Variants in GTF2E2 observed in about 807,000 individuals in gnomAD.
GTF2E2 encodes general transcription factor IIE subunit 2, also known as transcription initiation factor IIE subunit beta.
Under a neutral mutation model 40.5 loss-of-function variants are expected in GTF2E2, and 21 were observed. The observed-to-expected ratio is 0.52, with a 90% CI of 0.37 to 0.75. The LOEUF (loss-of-function observed/expected upper bound fraction) is 0.75. Among genes scored for constraint, GTF2E2 ranks in the 30% least tolerant of loss-of-function variants. GTF2E2 has a pLI of 0.00. For synonymous variants in GTF2E2, 117 were observed against 121.6 expected (o/e 0.96, Z 0.25); for missense variants, 298 against 338.4 (o/e 0.88, Z 0.94).
At chr8:30,642,683 A>G (rs565442650) in intron 2 of GTF2E2, among the ~76,000 whole-genome samples, 15 of 152,320 alleles carry the variant, frequency 9.8e-5, no homozygotes, top group African/African-American at 3.1e-4. Context: ...CTCTTCCTAT[A>G]TACACTATCC....
At chr8:30,609,613 A>AT (rs1410623726) in intron 5 of GTF2E2, among the ~76,000 whole-genome samples, 1 of 152,182 alleles carries the variant, frequency 6.6e-6, no homozygotes, top group African/African-American at 2.4e-5. Flanking sequence ...TCCCAATGGC[A>AT]TTTTTTGCAG....
intron 6 of GTF2E2, among the ~76,000 whole-genome samples, chr8:30,606,556 A>T (rs962045383): frequency 6.6e-6 from 1 of 152,206 alleles, no homozygotes; most frequent in Non-Finnish European, 1.5e-5. Context: ...AAGTCCAAAC[A>T]TACGTATCAT....
intron 3 of GTF2E2, among the ~76,000 whole-genome samples, chr8:30,626,170 A>C (rs1801265779): frequency 6.6e-6 from 1 of 152,246 alleles, no homozygotes; most frequent in South Asian, 2.1e-4. Context: ...GAAATGTTGC[A>C]AAACATGGAT....
chr8:30,615,209 G>A (rs1289595204), intron 3 of GTF2E2, among the ~76,000 whole-genome samples: 2 of 152,114 alleles, frequency 1.3e-5, no homozygotes, highest in East Asian at 1.9e-4. Context: ...AACCTGGGAA[G>A]AGGAGGCTGC....
chr8:30,599,516 T>C (rs1829110804), intron 6 of GTF2E2, among the ~76,000 whole-genome samples: 1 of 151,300 alleles, frequency 6.6e-6, no homozygotes, highest in African/African-American at 2.4e-5. Context: ...GAGGCAGAGG[T>C]TGCAGTAAGC....
At chr8:30,632,255 C>T (rs753337022) in intron 3 of GTF2E2, among the ~76,000 whole-genome samples, 35 of 152,152 alleles carry the variant, frequency 2.3e-4, no homozygotes, top group Non-Finnish European at 5.0e-4. Flanking sequence ...TACTGTAATT[C>T]TTTTTCAGTC....
Position 30,601,937 on chromosome 8 carries a change from A to G in GTF2E2, c.643+5120T>C, listed in dbSNP as rs571189799. Among the ~76,000 whole-genome samples the G allele has an allele frequency of 2.6e-5, 4 of 152,280 alleles. No individual in the cohort carries two copies. In the East Asian group the frequency reaches 5.8e-4, roughly 22 times the overall value. On this transcript the variant is annotated intron_variant, in intron 6 of 7. Transcript: ENST00000355904. ...TGGCTATCATCTTCATGGTGACTCT[A>G]CAATAGAAAGATATACAACTGTTTC...
intron 5 of GTF2E2, 53 bp downstream of exon 5, chr8:30,612,246 A>T: frequency 9.0e-7 from 1 of 1,110,862 alleles, no homozygotes; most frequent in Admixed American, 2.0e-5. Context: ...TAAAACCAAG[A>T]AGTCATTATT....
intron 2 of GTF2E2, among the ~76,000 whole-genome samples, chr8:30,638,163 G>A (rs1169453006): frequency 6.6e-6 from 1 of 151,984 alleles, no homozygotes; most frequent in Non-Finnish European, 1.5e-5. Flanking sequence ...AATTATATAC[G>A]GAACAAGTAA....
chr8:30,610,990 GGAATATTA>G (rs1367729772), intron 5 of GTF2E2, among the ~76,000 whole-genome samples: 1 of 152,056 alleles, frequency 6.6e-6, no homozygotes, highest in East Asian at 1.9e-4. Context: ...AAAACACAAT[GGAATATTA>G]TTCAGCTTTA....
chr8:30,602,771 A>T (rs1405456753), intron 6 of GTF2E2, among the ~76,000 whole-genome samples: 3 of 150,224 alleles, frequency 2.0e-5, no homozygotes, highest in Non-Finnish European at 4.4e-5. Context: ...AAAAAAAAAA[A>T]GGTGTTCACT....
chr8:30,651,749 G>A (rs7827700), intron 2 of GTF2E2, among the ~76,000 whole-genome samples: 145,930 of 152,326 alleles, frequency 0.96, 69,971 homozygotes, highest in East Asian at 0.99. Flanking sequence ...TAAAATTTAT[G>A]CAGAAAAACT....
chr8:30,646,651 T>A (rs771162664), intron 2 of GTF2E2, among the ~76,000 whole-genome samples: 1 of 152,146 alleles, frequency 6.6e-6, no homozygotes, highest in Admixed American at 6.5e-5. Flanking sequence ...ACTAAGACTT[T>A]AACTAAATGT....
chr8:30,640,153 A>G (rs1801762499), intron 2 of GTF2E2, among the ~76,000 whole-genome samples: 1 of 152,188 alleles, frequency 6.6e-6, no homozygotes, highest in Non-Finnish European at 1.5e-5. Flanking sequence ...GACTGGAGAC[A>G]TGGCCTAAGT....
At chr8:30,594,509 T>C (rs1188071593) in intron 6 of GTF2E2, among the ~76,000 whole-genome samples, 1 of 150,464 alleles carries the variant, frequency 6.6e-6, no homozygotes, top group African/African-American at 2.4e-5. Context: ...CTACAGTGGG[T>C]TTCTTATAGA....
intron 4 of GTF2E2, among the ~76,000 whole-genome samples, chr8:30,614,128 TA>T (rs1368619830): frequency 6.6e-6 from 1 of 152,228 alleles, no homozygotes. Flanking sequence ...TCTTTACAAC[TA>T]TTACACAAAG....
chr8:30,606,900 A>G (rs926682410), intron 6 of GTF2E2, among the ~76,000 whole-genome samples, 157 bp downstream of exon 6: 1 of 152,158 alleles, frequency 6.6e-6, no homozygotes, highest in Admixed American at 6.5e-5. Flanking sequence ...CTAAGCAACA[A>G]TATGTTAGAC....
intron 3 of GTF2E2, among the ~76,000 whole-genome samples, chr8:30,615,984 T>A (rs1457281934): frequency 6.6e-6 from 1 of 152,130 alleles, no homozygotes; most frequent in Non-Finnish European, 1.5e-5. Flanking sequence ...TGGAATACTA[T>A]CCAGTGCTAA....
Position 30,658,191 on chromosome 8 carries a change from C to T in GTF2E2, c.-223G>A, listed in dbSNP as rs1802510482. 2.1e-5 allele frequency: 4 copies of T among 189,224 alleles called. No homozygotes were observed. Among genetic ancestry groups the T allele is most frequent in the African/African-American group, 7.2e-5 (3 of 41,570 alleles). 11.7% of individuals were successfully genotyped at this position (189,224 alleles called of 1,614,324 possible). On this transcript the variant is annotated 5_prime_UTR_variant, in exon 1 of 8. Coordinates refer to ENST00000355904, the MANE Select transcript of GTF2E2 (RefSeq NM_002095.6). The stretch of plus-strand genomic sequence containing the variant: ...GCGGTAGCTGAGGCGGCGACTGGAC[C>T]CGGGACTCCGCCCGCCACTTCCCGA...
Sources: allele counts gnomAD v4.1 joint callset (sites outside exome capture counted in the v4.1 genomes callset), GRCh38; gene constraint gnomAD v4.1.1; transcripts MANE v1.5; gene names NCBI Gene and HGNC (gene_info 2026-07-23, HGNC 2026-07-21).